The following CALML4 variants were observed in gnomAD, a reference collection of about 807,000 sequenced individuals.
CALML4 encodes the protein calmodulin like 4, also known as calmodulin-like protein 4.
In CALML4, 16 loss-of-function variants were observed where a neutral mutation model predicts 17.9. The ratio of observed to expected loss-of-function variants is 0.89; its 90% CI spans 0.61 to 1.36. The LOEUF (loss-of-function observed/expected upper bound fraction) is 1.36, where lower values mean the gene tolerates loss of function less well. Among genes scored for constraint, CALML4 ranks in the 40% most tolerant of loss-of-function variants. CALML4 has a pLI of 0.00. For synonymous variants in CALML4, 86 were observed against 71.5 expected (o/e 1.20, Z -1.02); for missense variants, 203 against 194.8 (o/e 1.04, Z -0.25).
chr15:68,199,789 T>C (rs2093159411), intron 2 of CALML4, 108 bp from the exon 3 acceptor site: 1 of 1,192,994 alleles, frequency 8.4e-7, no homozygotes, highest in South Asian at 1.5e-5. Flanking sequence ...TTTTGCCTAC[T>C]CCCTCCATCC....
intron 3 of CALML4, among the ~76,000 whole-genome samples, chr15:68,199,275 T>C (rs934431004): frequency 2.6e-5 from 4 of 152,130 alleles, no homozygotes; most frequent in African/African-American, 9.7e-5. Flanking sequence ...ATGGGATCGC[T>C]GTCAGCGCGA....
intron 4 of CALML4, among the ~76,000 whole-genome samples, chr15:68,195,201 T>G (rs377581045): frequency 2.0e-5 from 3 of 152,330 alleles, no homozygotes; most frequent in South Asian, 4.1e-4. Context: ...CTCTTTAGCC[T>G]GTCCTCATCT....
At chr15:68,195,328 CCAT>C (rs1203339604) in intron 4 of CALML4, among the ~76,000 whole-genome samples, 1 of 152,170 alleles carries the variant, frequency 6.6e-6, no homozygotes, top group East Asian at 1.9e-4. Context: ...AGTATAATCA[CCAT>C]GCCTTGGCCT....
upstream of CALML4, chr15:68,205,420 G>A: frequency 2.5e-6 from 4 of 1,611,394 alleles, no homozygotes; most frequent in South Asian, 1.1e-5. This position sits in a 1 kb window ranked among gnomAD's most constrained non-coding sequence, Gnocchi z 4.8. Flanking sequence ...CCAGCTTCCT[G>A]AGCACAGCTC....
chr15:68,196,223 A>ATGTC (rs1410889599), intron 4 of CALML4, among the ~76,000 whole-genome samples: 2 of 152,138 alleles, frequency 1.3e-5, no homozygotes, highest in African/African-American at 4.8e-5. Context: ...TAATTTTTGT[A>ATGTC]TGTCAGGCAA....
rs2093148579 is a variant in CALML4 at position 68,197,357 on chromosome 15, G to A, written c.364+83C>T. On this transcript the variant is annotated intron_variant, in intron 4 of 4. Transcript: ENST00000467889. The surrounding 1 kb of genome is among the most constrained non-coding windows in gnomAD (Gnocchi z 4.1). Reference sequence around the variant, plus strand: ...CAACAGAGGTGGTCTGTACCACCCTGGTGGCATCAGCTAGGCTTTGGTGCC... The same window carrying A: ...CAACAGAGGTGGTCTGTACCACCCTAGTGGCATCAGCTAGGCTTTGGTGCC... 1 of 1,380,976 alleles carries A rather than the reference G, an allele frequency of 7.2e-7. No individual in the cohort carries two copies. Among genetic ancestry groups the A allele is most frequent in the Non-Finnish European group, 1.0e-6 (1 of 997,082 alleles). The allele number at this position is 1,380,976 out of a possible 1,614,324, so 85.5% of individuals were successfully genotyped here.
rs2093176692 is a variant in CALML4 at position 68,204,803 on chromosome 15, A to C, written c.34+318T>G. Among the ~76,000 whole-genome samples, 3 of 152,164 alleles carry C rather than the reference A, an allele frequency of 2.0e-5. No individual in the cohort carries two copies. In the South Asian group the frequency reaches 6.2e-4, roughly 32 times the overall value. The stretch of plus-strand genomic sequence containing the variant: ...TTTCCCTGCTGCCAGCCATACCTTT[A>C]ATGGTCTCTCTCTCCATCCCCAGTC... On this transcript the variant is annotated intron_variant, in intron 2 of 4. Coordinates refer to ENST00000467889, the MANE Select transcript of CALML4 (RefSeq NM_033429.3). The surrounding 1 kb of genome is among the most constrained non-coding windows in gnomAD (Gnocchi z 6.0).
chr15:68,205,517 G>A (rs1267734894), upstream of CALML4: 3 of 1,046,624 alleles, frequency 2.9e-6, no homozygotes, highest in African/African-American at 4.8e-5. This position sits in a 1 kb window ranked among gnomAD's most constrained non-coding sequence, Gnocchi z 4.8. Flanking sequence ...GCCTCCAGAA[G>A]CCGAAGCAAA....
At chr15:68,194,640 TC>T (rs2093135308) in intron 4 of CALML4, among the ~76,000 whole-genome samples, 3 of 152,088 alleles carry the variant, frequency 2.0e-5, no homozygotes, top group Non-Finnish European at 4.4e-5. Flanking sequence ...CACCTCAGCC[TC>T]CCAAAGTGCT....
chr15:68,204,732 G>A lies in CALML4; in HGVS notation c.34+389C>T, dbSNP rs1462410953. ...GAGAGTAGACGCATCCTGCCAGAGA[G>A]TGCAGACCTGGCCTCTGTTCTGTCT... On this transcript the variant is annotated intron_variant, in intron 2 of 4. Coordinates refer to ENST00000467889, the MANE Select transcript of CALML4 (RefSeq NM_033429.3). The surrounding 1 kb of genome is among the most constrained non-coding windows in gnomAD (Gnocchi z 6.0). Among the ~76,000 whole-genome samples, 1 of 152,078 alleles carries A rather than the reference G, an allele frequency of 6.6e-6. No homozygotes were observed. The highest frequency in any genetic ancestry group is 2.4e-5 in the African/African-American group (1 of 41,382).
intron 4 of CALML4, among the ~76,000 whole-genome samples, chr15:68,196,769 G>C (rs186156964): frequency 6.6e-6 from 1 of 152,284 alleles, no homozygotes; most frequent in East Asian, 1.9e-4. Context: ...CTCTGAGGCA[G>C]GACAGCCTGC....
chr15:68,203,337 C>T (rs934972776), intron 2 of CALML4, among the ~76,000 whole-genome samples: 3 of 152,318 alleles, frequency 2.0e-5, no homozygotes, highest in South Asian at 2.1e-4. Flanking sequence ...CCAATGAGTG[C>T]GATTCTTTTT....
In CALML4 at chr15:68,197,640, G is replaced by A. The variant is rs531598517; in HGVS notation, c.176-12C>T. Reference sequence around the variant, plus strand: ...CTCTCCATTTCCGTCTAGGAAACCCGCAAACACAGCAGAGTGAGCAGAGGG... The same window carrying A: ...CTCTCCATTTCCGTCTAGGAAACCCACAAACACAGCAGAGTGAGCAGAGGG... On this transcript the variant is annotated splice_polypyrimidine_tract_variant and intron_variant, in intron 3 of 4. Coordinates refer to ENST00000467889, the MANE Select transcript of CALML4 (RefSeq NM_033429.3). This position sits in a 1 kb window ranked among gnomAD's most constrained non-coding sequence, Gnocchi z 4.1. The A allele has an allele frequency of 4.6e-5, 74 of 1,612,410 alleles. 1 individual carries two copies. The South Asian group carries it at 6.3e-4, about 14-fold the overall frequency.
Position 68,205,162 on chromosome 15 carries a change from G to A in CALML4, c.4-11C>T. On this transcript the variant is annotated splice_polypyrimidine_tract_variant and intron_variant, in intron 1 of 4. Transcript: ENST00000467889. The surrounding 1 kb of genome is among the most constrained non-coding windows in gnomAD (Gnocchi z 4.8). The stretch of plus-strand genomic sequence containing the variant: ...GGAAAGAAACTTGGCCTGCAGCAGA[G>A]AAAGGAAAACAGTCAGGGGAGGGCT... 3 of 1,614,192 alleles carry A rather than the reference G, an allele frequency of 1.9e-6. No homozygotes were observed. Among genetic ancestry groups the A allele is most frequent in the Non-Finnish European group, 8.5e-7 (1 of 1,180,030 alleles).
rs1397965346 is a variant in CALML4 at position 68,200,812 on chromosome 15, G to A, written c.35-1131C>T. Among the ~76,000 whole-genome samples the A allele has an allele frequency of 1.3e-5, 2 of 152,122 alleles. No homozygotes were observed. The highest frequency in any genetic ancestry group is 4.8e-5 in the African/African-American group (2 of 41,432). Reference sequence around the variant, plus strand: ...GATGACAGCAACAATGACAATTCACGTTGCTGAGCACTCCACCCCCAGGCC... The same window carrying A: ...GATGACAGCAACAATGACAATTCACATTGCTGAGCACTCCACCCCCAGGCC... On this transcript the variant is annotated intron_variant, in intron 2 of 4. Coordinates refer to ENST00000467889, the MANE Select transcript of CALML4 (RefSeq NM_033429.3). This position sits in a 1 kb window ranked among gnomAD's most constrained non-coding sequence, Gnocchi z 4.3.
chr15:68,196,550 G>C (rs993197424), intron 4 of CALML4, among the ~76,000 whole-genome samples: 1 of 152,212 alleles, frequency 6.6e-6, no homozygotes, highest in Admixed American at 6.5e-5. Context: ...CAGGCAAGCA[G>C]GGCAGCCTAC....
chr15:68,198,906 A>G (rs2093155469), intron 3 of CALML4, among the ~76,000 whole-genome samples: 1 of 152,214 alleles, frequency 6.6e-6, no homozygotes, highest in African/African-American at 2.4e-5. Context: ...TCAGGCCTCT[A>G]ACCCCAGCAC....
upstream of CALML4, chr15:68,206,071 C>G (rs1025684150): frequency 5.2e-5 from 8 of 152,530 alleles, no homozygotes; most frequent in African/African-American, 1.9e-4. Context: ...AGGAAGGCTC[C>G]CCTTTTCTTC....
chr15:68,193,677 G>C lies in CALML4; in HGVS notation c.*338C>G, dbSNP rs549273810. The C allele has an allele frequency of 2.1e-5, 5 of 235,594 alleles. No individual in the cohort carries two copies. In the East Asian group the frequency reaches 3.9e-4, roughly 18 times the overall value. 14.6% of individuals were successfully genotyped at this position (235,594 alleles called of 1,614,324 possible). On this transcript the variant is annotated 3_prime_UTR_variant, in exon 5 of 5. Transcript: ENST00000467889. ...AGTGGGAATCCAGCTTGTGTGGGGG[G>C]GCTTTGAGGAGTGAAATGATTTGCC...
Sources: allele counts gnomAD v4.1 joint callset (sites outside exome capture counted in the v4.1 genomes callset), GRCh38; gene constraint gnomAD v4.1.1; non-coding constraint Gnocchi (gnomAD v3.1); transcripts MANE v1.5; gene names NCBI Gene and HGNC (gene_info 2026-07-23, HGNC 2026-07-21).